DENND2D: variants seen among roughly 807,000 people sequenced by gnomAD.
The protein encoded by DENND2D is DENN domain-containing protein 2D.
A neutral mutation model predicts 59.8 loss-of-function variants in DENND2D; 37 were observed. That is an observed-to-expected ratio of 0.62 (90% CI 0.48 to 0.81). The LOEUF is 0.81. Ranked by LOEUF, DENND2D falls within the 40% of genes least tolerant of loss-of-function variation. The pLI, the probability that DENND2D is intolerant of heterozygous loss-of-function variation, is 0.00. For missense variants in DENND2D, 525 were observed against 579.7 expected (o/e 0.91, Z 0.97); for synonymous variants, 219 against 211.3 (o/e 1.04, Z -0.31).
chr1:111,198,582 G>A, intron 3 of DENND2D, 48 bp downstream of exon 3: 1 of 1,580,998 alleles, frequency 6.3e-7, no homozygotes, highest in Non-Finnish European at 8.7e-7. Context: ...ACTCACACAT[G>A]TTCCTTCTCC....
At chr1:111,189,380 G>T in intron 8 of DENND2D, 127 bp from the exon 9 acceptor site, 2 of 917,014 alleles carry the variant, frequency 2.2e-6, no homozygotes, top group Non-Finnish European at 3.4e-6. Flanking sequence ...AATATCTTCA[G>T]TTCTCATTTC....
chr1:111,198,683 G>A lies in DENND2D; in HGVS notation c.303C>T (p.Pro101=), dbSNP rs750733830. 1.9e-6 allele frequency: 3 copies of A among 1,614,062 alleles called. No individual in the cohort carries two copies. The highest frequency in any genetic ancestry group is 2.5e-6 in the Non-Finnish European group (3 of 1,180,032). ...EEEERLLKAI[P]LFCFPDGNEW... is the part of the protein sequence containing the mutation. ...CATTCCCATCTGGGAAGCAGAACAA[G>A]GGGATAGCTTTGAGCAGCCGCTCCT... is the stretch of plus-strand genomic sequence containing the variant. The change falls in exon 3 of 12, where the codon CCC becomes CCT. Residue 101 remains proline (P), a synonymous_variant. Transcript: ENST00000357640.
At chr1:111,198,523 C>T (rs1658469936) in intron 3 of DENND2D, 107 bp downstream of exon 3, 6 of 1,137,054 alleles carry the variant, frequency 5.3e-6, no homozygotes, top group Non-Finnish European at 7.7e-6. Context: ...CACTCCCAGG[C>T]CGAAAATCAA....
In DENND2D at chr1:111,194,586, T is replaced by C; in HGVS notation, c.786A>G (p.Glu262=). ...VLERKIIFLA[E]GLSTLSQCIH... ...CCAGGGGCTGGGCCCACCTGAGACC[T>C]TCCGCCAGGAAGATGATTTTTCTCT... The change falls in exon 7 of 12, where the codon GAA becomes GAG. Residue 262 remains glutamate (E), a synonymous_variant. Transcript: ENST00000357640. 6.2e-7 allele frequency: 1 copy of C among 1,613,852 alleles called. No homozygotes were observed.
rs184178164 is a variant in DENND2D at position 111,189,936 on chromosome 1, G to A, written c.973-683C>T. Among the ~76,000 whole-genome samples, 1,161 of 152,084 alleles carry A rather than the reference G, an allele frequency of 7.6e-3. 17 individuals are homozygous for A. Among genetic ancestry groups the A allele is most frequent in the African/African-American group, 0.026 (1,089 of 41,496 alleles). On this transcript the variant is annotated intron_variant, in intron 8 of 11. Coordinates refer to ENST00000357640, the MANE Select transcript of DENND2D (RefSeq NM_024901.5). ...TCCCAGCACTTTGGGAGGCCGAGGC[G>A]GGTGGATCACGAGGTCAGGAGATCG...
chr1:111,190,991 T>C (rs1657716350), intron 8 of DENND2D, among the ~76,000 whole-genome samples: 1 of 152,218 alleles, frequency 6.6e-6, no homozygotes, highest in Non-Finnish European at 1.5e-5. Context: ...TTATTGTCTG[T>C]GGAGTAATCC....
intron 11 of DENND2D, 31 bp downstream of exon 11, chr1:111,188,100 G>T (rs780269716): frequency 1.1e-5 from 17 of 1,612,332 alleles, no homozygotes; most frequent in Non-Finnish European, 1.4e-5. Flanking sequence ...AACCCTCTAT[G>T]GGCTTAGACT....
intron 8 of DENND2D, 113 bp from the exon 9 acceptor site, chr1:111,189,366 A>T (rs899188710): frequency 2.8e-6 from 3 of 1,058,014 alleles, no homozygotes; most frequent in Non-Finnish European, 4.3e-6. Context: ...GTAGCAACAA[A>T]ATCAATATCT....
At chr1:111,189,455 G>T (rs1369769477) in intron 8 of DENND2D, 2 of 593,550 alleles carry the variant, frequency 3.4e-6, no homozygotes, top group East Asian at 2.9e-5. Flanking sequence ...CTGAGGAAAG[G>T]GTGTGGGTGT....
At chr1:111,199,592 T>G (rs1167797544) in intron 2 of DENND2D, 31 bp downstream of exon 2, 2 of 1,594,530 alleles carry the variant, frequency 1.3e-6, no homozygotes, top group Admixed American at 3.4e-5. Flanking sequence ...CCCAGTCCTC[T>G]GGCTGGCCCT....
At position 111,197,989 on chromosome 1, in the gene DENND2D, C is replaced by G; in HGVS notation, c.357G>C (p.Arg119Ser). 1 of 1,613,882 alleles carries G rather than the reference C, an allele frequency of 6.2e-7. No individual in the cohort carries two copies. Among genetic ancestry groups the G allele is most frequent in the Non-Finnish European group, 8.5e-7 (1 of 1,179,934 alleles). Residue 119 changes from arginine (R) to serine (S), a missense_variant and splice_region_variant, in exon 4 of 12, where the codon AGG (arginine) becomes AGC (serine). Transcript: ENST00000357640. ...TGGTCAGAACGAAGGAGAAGGTCTCCCTAAGAAAGAGCAGACAAGGCTTGA... is the reference window on the plus strand; with the variant it reads ...TGGTCAGAACGAAGGAGAAGGTCTCGCTAAGAAAGAGCAGACAAGGCTTGA... ...NEWASLTEYP[R>S]ETFSFVLTNV...
intron 11 of DENND2D, 46 bp downstream of exon 11, chr1:111,188,085 G>A (rs750515302): frequency 1.6e-5 from 26 of 1,600,730 alleles, no homozygotes; most frequent in Non-Finnish European, 2.2e-5. Flanking sequence ...CTTTATTCTA[G>A]AGGTAACCCT....
At chr1:111,196,250 G>T (rs557629499) in intron 5 of DENND2D, 194 bp from the exon 6 acceptor site, 3 of 564,408 alleles carry the variant, frequency 5.3e-6, no homozygotes, top group Non-Finnish European at 8.8e-6. Flanking sequence ...ATAATCTGCA[G>T]TTTATCTCCC....
Position 111,198,753 on chromosome 1 carries a change from A to C in DENND2D, c.244-11T>G. 6.2e-7 allele frequency: 1 copy of C among 1,613,962 alleles called. No individual in the cohort carries two copies. The highest frequency in any genetic ancestry group is 8.5e-7 in the Non-Finnish European group (1 of 1,179,924). ...AAGCAGGTTCTCCCGCTATAAGGCA[A>C]AGGAAAAGACAAGTGGATGTGAAGC... On this transcript the variant is annotated splice_polypyrimidine_tract_variant and intron_variant, in intron 2 of 11. Transcript: ENST00000357640.
intron 5 of DENND2D, 66 bp downstream of exon 5, chr1:111,197,110 A>G (rs1317431489): frequency 1.3e-6 from 2 of 1,540,720 alleles, no homozygotes; most frequent in Admixed American, 1.9e-5. Flanking sequence ...GCTTAGTTGC[A>G]CAGGCAGGGT....
At position 111,189,081 on chromosome 1, in the gene DENND2D, T is replaced by A. The variant is rs748783750; in HGVS notation, c.1014+131A>T. 57 of 1,037,942 alleles carry A rather than the reference T, an allele frequency of 5.5e-5. No individual in the cohort carries two copies. The South Asian group carries it at 6.3e-4, about 11-fold the overall frequency. The allele number at this position is 1,037,942 out of a possible 1,614,324, so 64.3% of individuals were successfully genotyped here. On this transcript the variant is annotated intron_variant, in intron 9 of 11. Transcript: ENST00000357640. ...ATGTCCATGGGCTCCTTGAGAGAGA[T>A]GTGGTCTTTTTAGCACAGATTCTCA... is the stretch of plus-strand genomic sequence containing the variant.
At chr1:111,194,482 C>T in intron 7 of DENND2D, 96 bp downstream of exon 7, 1 of 1,430,528 alleles carries the variant, frequency 7.0e-7, no homozygotes, top group African/African-American at 1.4e-5. Context: ...GGCGCATGGA[C>T]CCTACAGCCC....
chr1:111,190,173 A>AAACAAAACAAAACAAAAC (rs1345049564), intron 8 of DENND2D, among the ~76,000 whole-genome samples: 2 of 149,998 alleles, frequency 1.3e-5, no homozygotes, highest in Non-Finnish European at 1.5e-5. Flanking sequence ...CAAAAAAAAA[A>AAACAAAACAAAACAAAAC]AAAAAAAAAA....
intron 3 of DENND2D, 75 bp downstream of exon 3, chr1:111,198,555 G>C: frequency 7.1e-7 from 1 of 1,406,792 alleles, no homozygotes; most frequent in Non-Finnish European, 1.0e-6. Flanking sequence ...AGTGAGGGAG[G>C]CTACAGGAGC....
Sources: gnomAD v4.1 joint callset for allele counts (sites outside exome capture counted in the v4.1 genomes callset) on GRCh38, gnomAD v4.1.1 for gene constraint, MANE v1.5 for transcripts, NCBI Gene and HGNC (gene_info 2026-07-23, HGNC 2026-07-21) for gene names.